ZNF845: variants seen among roughly 807,000 people sequenced by gnomAD.
The protein encoded by ZNF845 is zinc finger protein 845.
In ZNF845, 59 loss-of-function variants were observed where a neutral mutation model predicts 76.1. The observed-to-expected ratio is 0.78, with a 90% CI of 0.63 to 0.96. The LOEUF is 0.96. ZNF845 is among the 40% of genes least tolerant of loss of function. The probability of loss-of-function intolerance (pLI) is 0.00; values close to 1 mark genes in which losing one functional copy is unlikely to be tolerated. For synonymous variants in ZNF845, 361 were observed against 386.9 expected (o/e 0.93, Z 0.78); for missense variants, 1,045 against 1,172.8 (o/e 0.89, Z 1.59).
At chr19:53,334,379 G>C (rs1449784265) in intron 1 of ZNF845, among the ~76,000 whole-genome samples, 1 of 152,178 alleles carries the variant, frequency 6.6e-6, no homozygotes, top group Non-Finnish European at 1.5e-5. Context: ...GACTGAGAGA[G>C]AGAGCAGTAG....
At chr19:53,336,612 TCTTC>T (rs1297818971) in intron 1 of ZNF845, among the ~76,000 whole-genome samples, 10 of 148,836 alleles carry the variant, frequency 6.7e-5, no homozygotes, top group African/African-American at 2.5e-5. Context: ...TTCTGGTTCC[TCTTC>T]CTTCCTTTCT....
chr19:53,334,130 T>A (rs1328728159), intron 1 of ZNF845, among the ~76,000 whole-genome samples: 2 of 152,166 alleles, frequency 1.3e-5, no homozygotes, highest in Non-Finnish European at 2.9e-5. Context: ...CTCCCAGTCT[T>A]GTCTTAAGGC....
rs767615100 is a variant in ZNF845, at chr19:53,345,623, G to C, written c.133G>C (p.Val45Leu). The C allele has an allele frequency of 3.1e-6, 5 of 1,613,648 alleles. No homozygotes were observed. The South Asian group carries it at 4.4e-5, about 14-fold the overall frequency. Residue 45 changes from valine (V) to leucine (L), a missense_variant, in exon 3 of 4, where the codon GTC (valine) becomes CTC (leucine). By Grantham distance (32) the Val-to-Leu change is conservative. Transcript: ENST00000458035. Reference protein sequence around the residue: ...DVMLENYRNLVSLDISSKCMM... With the variant: ...DVMLENYRNLLSLDISSKCMM... ...GATGCTGGAGAATTATAGGAACCTG[G>C]TCTCCCTGGGTGAGGATAACTTCCC...
chr19:53,351,707 C>T lies in ZNF845; in HGVS notation c.1032C>T (p.Tyr344=). 6.2e-7 allele frequency: 1 copy of T among 1,613,972 alleles called. No homozygotes were observed. Among genetic ancestry groups the T allele is most frequent in the Non-Finnish European group, 8.5e-7 (1 of 1,179,918 alleles). The change falls in exon 4 of 4, where the codon TAC becomes TAT. Residue 344 remains tyrosine (Y), a synonymous_variant. Coordinates refer to ENST00000458035, the MANE Select transcript of ZNF845 (RefSeq NM_138374.3). ...TCAGTCAAACGTCATACCTTGTGTA[C>T]CATCGTAGACTTCATACTGGAGAGA... ...KTFSQTSYLV[Y]HRRLHTGEKP...
Position 53,354,191 on chromosome 19 carries a change from GGTCTTCA to G in ZNF845, c.*608_*614del. ...CTTACAAATGTCATCAGTGTGGCAA[GGTCTTCA>G]GTCTGAGATCACCCCTTAAGGAACA... On this transcript the variant is annotated 3_prime_UTR_variant, in exon 4 of 4. Transcript: ENST00000458035. 1 of 680,714 alleles carries G rather than the reference GGTCTTCA, an allele frequency of 1.5e-6. No individual in the cohort carries two copies. The highest frequency in any genetic ancestry group is 2.0e-5 in the Admixed American group (1 of 49,726). 42.2% of individuals were successfully genotyped at this position (680,714 alleles called of 1,614,324 possible).
At chr19:53,338,511 A>G (rs947918882) in intron 1 of ZNF845, among the ~76,000 whole-genome samples, 3 of 151,596 alleles carry the variant, frequency 2.0e-5, no homozygotes, top group Non-Finnish European at 2.9e-5. Flanking sequence ...GGCATGAAGG[A>G]CACACTCCTA....
At chr19:53,337,290 C>G (rs1175047846) in intron 1 of ZNF845, among the ~76,000 whole-genome samples, 1 of 152,230 alleles carries the variant, frequency 6.6e-6, no homozygotes, top group African/African-American at 2.4e-5. Flanking sequence ...CCCTCCCACC[C>G]CCATCTGAAG....
rs1232886282 is a variant in ZNF845 at position 53,353,716 on chromosome 19, G to C, written c.*128G>C. 1 of 1,510,518 alleles carries C rather than the reference G, an allele frequency of 6.6e-7. No individual in the cohort carries two copies. The highest frequency in any genetic ancestry group is 1.4e-5 in the African/African-American group (1 of 71,178). The allele number at this position is 1,510,518 out of a possible 1,614,324, so 93.6% of individuals were successfully genotyped here. ...AGAATCTTGGGCGTGATTCACACCT[G>C]GCCCAACAAACTAGAAGTCACACTG... On this transcript the variant is annotated 3_prime_UTR_variant, in exon 4 of 4. Coordinates refer to ENST00000458035, the MANE Select transcript of ZNF845 (RefSeq NM_138374.3).
At chr19:53,337,090 C>A in intron 1 of ZNF845, 1 of 456,734 alleles carries the variant, frequency 2.2e-6, no homozygotes, top group South Asian at 1.5e-5. Flanking sequence ...CAGTGTCCAG[C>A]CTCCTCCTGG....
At chr19:53,350,060 T>A (rs1313431164) in intron 3 of ZNF845, among the ~76,000 whole-genome samples, 1 of 152,172 alleles carries the variant, frequency 6.6e-6, no homozygotes, top group Non-Finnish European at 1.5e-5. Context: ...ACAAACAATT[T>A]CTTAAAATGT....
intron 3 of ZNF845, among the ~76,000 whole-genome samples, chr19:53,346,855 T>C (rs951627764): frequency 7.9e-5 from 12 of 151,270 alleles, no homozygotes; most frequent in Non-Finnish European, 1.5e-4. Context: ...GGTACACTTA[T>C]ACAAGTTTCT....
chr19:53,339,317 G>A (rs975630229), intron 1 of ZNF845, among the ~76,000 whole-genome samples: 1 of 152,038 alleles, frequency 6.6e-6, no homozygotes, highest in African/African-American at 2.4e-5. Flanking sequence ...AGAAAAAGGG[G>A]TTTTTCTCTC....
chr19:53,348,310 C>G (rs766580255), intron 3 of ZNF845, among the ~76,000 whole-genome samples: 1 of 152,098 alleles, frequency 6.6e-6, no homozygotes, highest in Non-Finnish European at 1.5e-5. Flanking sequence ...GGGAGGCTTA[C>G]GGCACAGATA....
chr19:53,351,541 A>C lies in ZNF845; in HGVS notation c.866A>C (p.His289Pro), dbSNP rs1300141619. 6.2e-7 allele frequency: 1 copy of C among 1,614,218 alleles called. No individual in the cohort carries two copies. Among genetic ancestry groups the C allele is most frequent in the Non-Finnish European group, 8.5e-7 (1 of 1,180,006 alleles). The change falls in exon 4 of 4, where the codon CAT becomes CCT. Residue 289 changes from histidine (H) to proline (P), a missense_variant. By Grantham distance (77) the His-to-Pro change is moderately conservative. Coordinates refer to ENST00000458035, the MANE Select transcript of ZNF845 (RefSeq NM_138374.3). ...TFSQELTLTC[H>P]HRLHTGEKHY... ...AGTCAGGAGTTAACCCTTACATGCC[A>C]TCATAGACTTCATACTGGAGAGAAA... is the stretch of plus-strand genomic sequence containing the variant.
intron 2 of ZNF845, 135 bp downstream of exon 2, chr19:53,341,457 G>T (rs540859631): frequency 1.5e-5 from 20 of 1,349,154 alleles, no homozygotes; most frequent in Non-Finnish European, 2.1e-5. Context: ...CCTTCCCTCA[G>T]TCCCTCTCAT....
At chr19:53,345,406 A>G (rs2085287290) in intron 2 of ZNF845, 100 bp from the exon 3 acceptor site, 1 of 1,598,584 alleles carries the variant, frequency 6.3e-7, no homozygotes, top group Admixed American at 1.7e-5. Flanking sequence ...CAGAACATTC[A>G]CTACAATTAA....
rs1346116610 is a variant in ZNF845, at chr19:53,337,078, G to C, written c.-74+3286G>C. 4 of 456,484 alleles carry C rather than the reference G, an allele frequency of 8.8e-6. No individual in the cohort carries two copies. In the East Asian group the frequency reaches 2.8e-4, roughly 32 times the overall value. The allele number at this position is 456,484 out of a possible 1,614,324, so 28.3% of individuals were successfully genotyped here. On this transcript the variant is annotated intron_variant, in intron 1 of 3. Transcript: ENST00000458035. ...CCATAGCCCTGTGTCCAGGGCCCCT[G>C]CCAGTGTCCAGCCTCCTCCTGGGAG...
intron 1 of ZNF845, among the ~76,000 whole-genome samples, chr19:53,334,195 C>T (rs916946525): frequency 6.6e-6 from 1 of 152,162 alleles, no homozygotes; most frequent in African/African-American, 2.4e-5. Flanking sequence ...CCCAGGTCTC[C>T]CCACCGCAGT....
At chr19:53,345,737 A>C (rs1267266217) in intron 3 of ZNF845, 105 bp downstream of exon 3, 34 of 1,561,534 alleles carry the variant, frequency 2.2e-5, no homozygotes, top group Admixed American at 5.8e-5. Context: ...GGGTGGAGTG[A>C]AATGGTGTGA....
Sources: gnomAD v4.1 joint callset for allele counts (sites outside exome capture counted in the v4.1 genomes callset) on GRCh38, gnomAD v4.1.1 for gene constraint, MANE v1.5 for transcripts, NCBI Gene and HGNC (gene_info 2026-07-23, HGNC 2026-07-21) for gene names.